The following MAP3K10 variants were observed in gnomAD, a reference collection of about 807,000 sequenced individuals.
MAP3K10 encodes MKN28 derived nonreceptor_type serine/threonine kinase.
In MAP3K10, 22 loss-of-function variants were observed where a neutral mutation model predicts 75.0. The ratio of observed to expected loss-of-function variants is 0.29; its 90% CI spans 0.21 to 0.42. The LOEUF (loss-of-function observed/expected upper bound fraction) is 0.42. Among genes scored for constraint, MAP3K10 ranks in the 10% least tolerant of loss-of-function variants. MAP3K10 has a pLI of 1.00. For missense variants in MAP3K10, 1,165 were observed against 1,379.8 expected (o/e 0.84, Z 2.47); for synonymous variants, 599 against 612.9 (o/e 0.98, Z 0.34).
At chr19:40,206,184 C>T (rs747567246) in intron 5 of MAP3K10, 27 bp downstream of exon 5, 5 of 1,558,218 alleles carry the variant, frequency 3.2e-6, no homozygotes, top group Non-Finnish European at 4.4e-6. Context: ...CCAGAGCGCC[C>T]CCCAAGAGGC....
chr19:40,214,437 G>T (rs1242110231), intron 9 of MAP3K10, among the ~76,000 whole-genome samples: 2 of 152,212 alleles, frequency 1.3e-5, no homozygotes, highest in Non-Finnish European at 2.9e-5. Context: ...ATAAGGCCAG[G>T]CAGGTGCCTA....
At chr19:40,211,738 T>C (rs1973244277) in intron 6 of MAP3K10, among the ~76,000 whole-genome samples, 2 of 152,134 alleles carry the variant, frequency 1.3e-5, no homozygotes, top group Admixed American at 6.5e-5. Flanking sequence ...TAGTATTCCA[T>C]GGTGAGACAG....
Position 40,214,007 on chromosome 19 carries a change from A to ACCCCCC in MAP3K10, c.2330_2331insCCCCCC (p.Pro777_Pro778dup). On this transcript the variant is annotated inframe_insertion, in exon 9 of 10. Coordinates refer to ENST00000253055, the MANE Select transcript of MAP3K10 (RefSeq NM_002446.4). ...AGGCCGCACCGGCCGCGCCCTCCCC[A>ACCCCCC]CCACCCTCCCCGCCCGCGCCCACAC... The ACCCCCC allele has an allele frequency of 2.3e-5, 12 of 512,910 alleles. No homozygotes were observed. Among genetic ancestry groups the ACCCCCC allele is most frequent in the South Asian group, 9.0e-5 (3 of 33,428 alleles). 31.8% of individuals were successfully genotyped at this position (512,910 alleles called of 1,614,324 possible). A position where few individuals can be genotyped will look rare whatever the true frequency, so the allele number is the denominator to read the frequency against.
intron 6 of MAP3K10, among the ~76,000 whole-genome samples, chr19:40,210,296 T>A (rs577426806): frequency 3.3e-5 from 5 of 150,246 alleles, no homozygotes; most frequent in African/African-American, 9.8e-5. Context: ...ACAAAAGAAA[T>A]AGATGTATTA....
At chr19:40,200,816 G>T (rs183792005) in intron 2 of MAP3K10, among the ~76,000 whole-genome samples, 16 of 151,814 alleles carry the variant, frequency 1.1e-4, no homozygotes, top group Admixed American at 2.6e-4. Context: ...CACCATGTTG[G>T]CTAGGCTGGT....
At chr19:40,210,223 C>A (rs557005029) in intron 6 of MAP3K10, among the ~76,000 whole-genome samples, 2 of 151,890 alleles carry the variant, frequency 1.3e-5, no homozygotes, top group African/African-American at 4.8e-5. Context: ...GCCGAGATAG[C>A]GTCACTGCAC....
rs183612748 is a variant in MAP3K10, at chr19:40,198,155, C to T, written c.683-220C>T. On this transcript the variant is annotated intron_variant, in intron 1 of 9. Transcript: ENST00000253055. The surrounding 1 kb of genome is among the most constrained non-coding windows in gnomAD (Gnocchi z 4.3). ...GACAGAATCAGGAGGGCAGAGGACA[C>T]AGGAGGAGCTCCCTACTCCCTCATG... Among the ~76,000 whole-genome samples the T allele has an allele frequency of 4.6e-5, 7 of 152,252 alleles. No individual in the cohort carries two copies. The highest frequency in any genetic ancestry group is 7.4e-5 in the Non-Finnish European group (5 of 68,018).
chr19:40,213,395 G>A lies in MAP3K10; in HGVS notation c.1838-122G>A. On this transcript the variant is annotated intron_variant, in intron 8 of 9. Transcript: ENST00000253055. This position sits in a 1 kb window ranked among gnomAD's most constrained non-coding sequence, Gnocchi z 5.7. Reference sequence around the variant, plus strand: ...AGGCTTCTCCTGGAGACAGATTCAAGAACGATGCTCGTGGGTCTTGGTCTT... The same window carrying A: ...AGGCTTCTCCTGGAGACAGATTCAAAAACGATGCTCGTGGGTCTTGGTCTT... 6.7e-7 allele frequency: 1 copy of A among 1,483,742 alleles called. No homozygotes were observed. Among genetic ancestry groups the A allele is most frequent in the Non-Finnish European group, 8.9e-7 (1 of 1,120,604 alleles). The allele number at this position is 1,483,742 out of a possible 1,614,324, so 91.9% of individuals were successfully genotyped here.
chr19:40,213,139 C>T lies in MAP3K10; in HGVS notation c.1788C>T (p.Ser596=). ...WSSSAPNLGK[S]PKHTPIAPGF... ...CAAGTGCCCCCAACCTGGGCAAGTC[C>T]CCCAAACACACACCCATCGCCCCTG... Residue 596 remains serine (S), a synonymous_variant, in exon 8 of 10, where the codon TCC becomes TCT. Coordinates refer to ENST00000253055, the MANE Select transcript of MAP3K10 (RefSeq NM_002446.4). The surrounding 1 kb of genome is among the most constrained non-coding windows in gnomAD (Gnocchi z 5.7). 2 of 1,602,210 alleles carry T rather than the reference C, an allele frequency of 1.2e-6. No homozygotes were observed. Among genetic ancestry groups the T allele is most frequent in the Non-Finnish European group, 1.7e-6 (2 of 1,175,362 alleles).
Position 40,192,181 on chromosome 19 carries a change from T to C in MAP3K10, c.150T>C (p.Cys50=). Residue 50 remains cysteine, a synonymous_variant, in exon 1 of 10, where the codon TGT becomes TGC. Coordinates refer to ENST00000253055, the MANE Select transcript of MAP3K10 (RefSeq NM_002446.4). This position sits in a 1 kb window ranked among gnomAD's most constrained non-coding sequence, Gnocchi z 7.1. The part of the protein sequence containing the change: ...GDRVQVLSQD[C]AVSGDEGWWT... ...GCGTCCAGGTGCTTTCCCAAGACTGTGCGGTGTCCGGCGACGAGGGCTGGT... is the reference window on the plus strand; with the variant it reads ...GCGTCCAGGTGCTTTCCCAAGACTGCGCGGTGTCCGGCGACGAGGGCTGGT... 6.2e-7 allele frequency: 1 copy of C among 1,608,486 alleles called. No homozygotes were observed. Among genetic ancestry groups the C allele is most frequent in the Non-Finnish European group, 8.5e-7 (1 of 1,178,456 alleles).
At chr19:40,210,743 C>T (rs1321868610) in intron 6 of MAP3K10, among the ~76,000 whole-genome samples, 1 of 152,044 alleles carries the variant, frequency 6.6e-6, no homozygotes, top group Non-Finnish European at 1.5e-5. Context: ...ACCTGAACAC[C>T]AATGTCCAGT....
chr19:40,198,234 C>G lies in MAP3K10; in HGVS notation c.683-141C>G. Reference sequence around the variant, plus strand: ...CGGAGGGGCTCATGGATGTTCCAGGCCAGGAAAGGACCTGCCACAGAGCGG... The same window carrying G: ...CGGAGGGGCTCATGGATGTTCCAGGGCAGGAAAGGACCTGCCACAGAGCGG... On this transcript the variant is annotated intron_variant, in intron 1 of 9. Transcript: ENST00000253055. The surrounding 1 kb of genome is among the most constrained non-coding windows in gnomAD (Gnocchi z 4.3). The G allele has an allele frequency of 1.4e-6, 1 of 733,664 alleles. No homozygotes were observed. Among genetic ancestry groups the G allele is most frequent in the Non-Finnish European group, 2.2e-6 (1 of 456,998 alleles). 45.4% of individuals were successfully genotyped at this position (733,664 alleles called of 1,614,324 possible).
chr19:40,214,010 A>ACCCACCCCCCCCCCCCCCCCCCCCCC lies in MAP3K10; in HGVS notation c.2334_2335insACCCCCCCCCCCCCCCCCCCCCCCCC (p.Ser779ThrfsTer52). ...CCGCACCGGCCGCGCCCTCCCCACC[A>ACCCACCCCCCCCCCCCCCCCCCCCCC]CCCTCCCCGCCCGCGCCCACACCCA... On this transcript the variant is annotated frameshift_variant, in exon 9 of 10. Transcript: ENST00000253055. LOFTEE classifies it high-confidence loss of function. 1 of 726,374 alleles carries ACCCACCCCCCCCCCCCCCCCCCCCCC rather than the reference A, an allele frequency of 1.4e-6. No homozygotes were observed. The highest frequency in any genetic ancestry group is 1.9e-6 in the Non-Finnish European group (1 of 538,530). 45.0% of individuals were successfully genotyped at this position (726,374 alleles called of 1,614,324 possible).
intron 2 of MAP3K10, among the ~76,000 whole-genome samples, chr19:40,200,666 T>G (rs1481138445): frequency 7.2e-6 from 1 of 138,626 alleles, no homozygotes; most frequent in African/African-American, 2.6e-5. Context: ...CCGCCCAGGC[T>G]GGAGTGCAAT....
Position 40,212,255 on chromosome 19 carries a change from G to A in MAP3K10, c.1553-550G>A, listed in dbSNP as rs1437287270. 1.3e-5 allele frequency among the ~76,000 whole-genome samples: 2 copies of A among 152,184 alleles called. No individual in the cohort carries two copies. The highest frequency in any genetic ancestry group is 2.9e-5 in the Non-Finnish European group (2 of 68,034). ...CATCGGAGTTTCCTGGTGGGTTGAAGGGTGAAAGGCTAGCTCCCAAGTTCC... is the reference window on the plus strand; with the variant it reads ...CATCGGAGTTTCCTGGTGGGTTGAAAGGTGAAAGGCTAGCTCCCAAGTTCC... On this transcript the variant is annotated intron_variant, in intron 6 of 9. Transcript: ENST00000253055. This position sits in a 1 kb window ranked among gnomAD's most constrained non-coding sequence, Gnocchi z 4.2.
At chr19:40,210,897 C>T (rs546754271) in intron 6 of MAP3K10, among the ~76,000 whole-genome samples, 28 of 152,256 alleles carry the variant, frequency 1.8e-4, no homozygotes, top group Non-Finnish European at 3.1e-4. Context: ...CCCACATTGG[C>T]GAGGATGATC....
intron 5 of MAP3K10, among the ~76,000 whole-genome samples, chr19:40,207,119 A>G (rs1599910068): frequency 6.6e-6 from 1 of 152,286 alleles, no homozygotes; most frequent in African/African-American, 2.4e-5. Flanking sequence ...ATTAAGATAT[A>G]CATATATATG....
In MAP3K10 at chr19:40,205,831, CA is replaced by C; in HGVS notation, c.1189-79del. Reference sequence around the variant, plus strand: ...AGGTACCCTTGTGTGAGGCACCAACCAGACGCAGCAGCCCTGGGTCCCTCCC... The same window carrying C: ...AGGTACCCTTGTGTGAGGCACCAACCGACGCAGCAGCCCTGGGTCCCTCCC... On this transcript the variant is annotated intron_variant, in intron 4 of 9. Transcript: ENST00000253055. This position sits in a 1 kb window ranked among gnomAD's most constrained non-coding sequence, Gnocchi z 4.3. 1 of 1,403,086 alleles carries C rather than the reference CA, an allele frequency of 7.1e-7. No homozygotes were observed. Among genetic ancestry groups the C allele is most frequent in the Non-Finnish European group, 9.4e-7 (1 of 1,065,784 alleles). The allele number at this position is 1,403,086 out of a possible 1,614,324, so 86.9% of individuals were successfully genotyped here. A position where few individuals can be genotyped will look rare whatever the true frequency, so the allele number is the denominator to read the frequency against.
intron 2 of MAP3K10, among the ~76,000 whole-genome samples, chr19:40,202,871 C>A (rs1487743734): frequency 1.3e-5 from 2 of 152,160 alleles, no homozygotes; most frequent in Non-Finnish European, 2.9e-5. Flanking sequence ...GGTCATGTGG[C>A]ATGCTTAGCT....
Sources: gnomAD v4.1 joint callset for allele counts (sites outside exome capture counted in the v4.1 genomes callset) on GRCh38, gnomAD v4.1.1 for gene constraint, Gnocchi (gnomAD v3.1) non-coding constraint, MANE v1.5 for transcripts, NCBI Gene and HGNC (gene_info 2026-07-23, HGNC 2026-07-21) for gene names.